SIPA1L1: variants seen among roughly 807,000 people sequenced by gnomAD.
SIPA1L1 encodes signal induced proliferation associated 1 like 1, also known as signal-induced proliferation-associated 1-like protein 1.
Under a neutral mutation model 162.7 loss-of-function variants are expected in SIPA1L1, and 26 were observed. That is an observed-to-expected ratio of 0.16 (90% confidence interval 0.12 to 0.22). The LOEUF (loss-of-function observed/expected upper bound fraction) is 0.22, where lower values mean the gene tolerates loss of function less well. Ranked by LOEUF, SIPA1L1 falls within the 10% of genes least tolerant of loss-of-function variation. The pLI is 1.00. For synonymous variants in SIPA1L1, 829 were observed against 837.4 expected, an observed-to-expected ratio of 0.99 and a Z score of 0.17; for missense variants, 1,874 against 2,241.0, an observed-to-expected ratio of 0.84 and a Z score of 3.31.
intron 2 of SIPA1L1, among the ~76,000 whole-genome samples, chr14:71,376,163 T>C (rs1038676593): frequency 5.3e-5 from 8 of 152,162 alleles, no homozygotes; most frequent in African/African-American, 1.9e-4. Context: ...CATATGGACT[T>C]AGAATTTCCA....
At chr14:71,584,212 C>T (rs1490735572) in intron 4 of SIPA1L1, among the ~76,000 whole-genome samples, 1 of 152,080 alleles carries the variant, frequency 6.6e-6, no homozygotes, top group East Asian at 1.9e-4. Flanking sequence ...TCACAGAGGT[C>T]CAGAAAAGAG....
At chr14:71,631,744 A>G (rs796244190) in intron 7 of SIPA1L1, among the ~76,000 whole-genome samples, 13 of 152,314 alleles carry the variant, frequency 8.5e-5, no homozygotes, top group African/African-American at 2.4e-4. Flanking sequence ...TTTAGTATCC[A>G]TATGTCATTT....
chr14:71,634,724 C>T (rs1302126514), intron 7 of SIPA1L1, among the ~76,000 whole-genome samples: 2 of 149,564 alleles, frequency 1.3e-5, no homozygotes, highest in Non-Finnish European at 3.0e-5. Context: ...ATCACAAGGT[C>T]AGGAGATCAA....
At chr14:71,673,352 G>A (rs1269989969) in intron 12 of SIPA1L1, among the ~76,000 whole-genome samples, 2 of 152,166 alleles carry the variant, frequency 1.3e-5, no homozygotes, top group African/African-American at 2.4e-5. Flanking sequence ...ATTTTTGCTA[G>A]TTTTTAAGAT....
At chr14:71,695,154 T>A (rs776122306) in intron 13 of SIPA1L1, among the ~76,000 whole-genome samples, 5 of 152,216 alleles carry the variant, frequency 3.3e-5, no homozygotes, top group Non-Finnish European at 7.3e-5. Context: ...AGTATCAAAT[T>A]CAGAGTATTT....
At chr14:71,358,697 AAG>A (rs763242358) in intron 2 of SIPA1L1, among the ~76,000 whole-genome samples, 1 of 152,220 alleles carries the variant, frequency 6.6e-6, no homozygotes, top group Non-Finnish European at 1.5e-5. Context: ...TTTATAAAGA[AAG>A]AGATTTAATT....
At chr14:71,372,951 C>T (rs967964021) in intron 2 of SIPA1L1, among the ~76,000 whole-genome samples, 1 of 152,004 alleles carries the variant, frequency 6.6e-6, no homozygotes, top group African/African-American at 2.4e-5. Context: ...TTGGATGGAA[C>T]TGTGGATAGT....
intron 2 of SIPA1L1, among the ~76,000 whole-genome samples, chr14:71,502,221 A>G (rs1422653810): frequency 7.4e-6 from 1 of 135,870 alleles, no homozygotes; most frequent in Non-Finnish European, 1.5e-5. Flanking sequence ...TTTTACTATC[A>G]TGAGAGCCTT....
intron 14 of SIPA1L1, among the ~76,000 whole-genome samples, chr14:71,700,046 A>G (rs940505415): frequency 1.3e-5 from 2 of 152,256 alleles, no homozygotes; most frequent in Non-Finnish European, 2.9e-5. Context: ...GGTATCCCTT[A>G]TACTCTGGCA....
chr14:71,483,391 C>T (rs554136980), intron 2 of SIPA1L1, among the ~76,000 whole-genome samples: 2 of 152,304 alleles, frequency 1.3e-5, no homozygotes, highest in African/African-American at 4.8e-5. Context: ...TCTCCTAATT[C>T]ATCTTTCATG....
intron 4 of SIPA1L1, among the ~76,000 whole-genome samples, chr14:71,571,940 C>T (rs2032143999): frequency 6.6e-6 from 1 of 151,998 alleles, no homozygotes; most frequent in Non-Finnish European, 1.5e-5. Context: ...GCGTGAGCCA[C>T]CGTGCCTGGC....
intron 2 of SIPA1L1, among the ~76,000 whole-genome samples, chr14:71,383,851 G>C (rs2040105875): frequency 6.6e-6 from 1 of 152,074 alleles, no homozygotes; most frequent in African/African-American, 2.4e-5. Flanking sequence ...TCCACACTGG[G>C]GAACACATTT....
intron 2 of SIPA1L1, among the ~76,000 whole-genome samples, chr14:71,373,212 G>A (rs1173399970): frequency 4.0e-5 from 6 of 151,706 alleles, no homozygotes; most frequent in Non-Finnish European, 8.8e-5. Flanking sequence ...TCGGGAGGCT[G>A]AGGCAGGAGA....
chr14:71,503,638 C>T (rs377417093), intron 2 of SIPA1L1, among the ~76,000 whole-genome samples: 1 of 151,996 alleles, frequency 6.6e-6, no homozygotes, highest in East Asian at 1.9e-4. Flanking sequence ...GATTAAAACA[C>T]CAAAAAAATC....
At chr14:71,320,790 C>CT (rs2032650063) in intron 1 of SIPA1L1, among the ~76,000 whole-genome samples, 1 of 151,732 alleles carries the variant, frequency 6.6e-6, no homozygotes, top group Non-Finnish European at 1.5e-5. Context: ...CCCCTCAGTT[C>CT]TTTCTGCTGG....
At chr14:71,409,535 C>T (rs2042260404) in intron 2 of SIPA1L1, among the ~76,000 whole-genome samples, 2 of 152,142 alleles carry the variant, frequency 1.3e-5, no homozygotes, top group African/African-American at 4.8e-5. Flanking sequence ...AACTAGGTTT[C>T]ACCTTTAGTA....
At chr14:71,423,405 C>T (rs1329851196) in intron 2 of SIPA1L1, among the ~76,000 whole-genome samples, 2 of 152,086 alleles carry the variant, frequency 1.3e-5, no homozygotes, top group East Asian at 3.8e-4. Flanking sequence ...TTGCCAAAGC[C>T]AGTGCTGTAT....
At chr14:71,345,575 C>CT (rs11405671) in intron 2 of SIPA1L1, among the ~76,000 whole-genome samples, 25,571 of 138,978 alleles carry the variant, frequency 0.18, 2,692 homozygotes, top group Middle Eastern at 0.3. Flanking sequence ...ACAGCTTACT[C>CT]TTTTTTTTTT....
intron 3 of SIPA1L1, among the ~76,000 whole-genome samples, chr14:71,524,333 A>T (rs929273635): frequency 6.6e-6 from 1 of 152,106 alleles, no homozygotes; most frequent in Non-Finnish European, 1.5e-5. Context: ...TGGTTATGTT[A>T]TGTATTCCTA....
Sources: allele counts gnomAD v4.1 joint callset (sites outside exome capture counted in the v4.1 genomes callset), GRCh38; gene constraint gnomAD v4.1.1; transcripts MANE v1.5; gene names NCBI Gene and HGNC (gene_info 2026-07-23, HGNC 2026-07-21).